ARFGEF2: variants seen among roughly 807,000 people sequenced by gnomAD.
ARFGEF2 encodes brefeldin A-inhibited guanine nucleotide-exchange protein 2.
In ARFGEF2, 74 loss-of-function variants were observed where a neutral mutation model predicts 219.9. That is an observed-to-expected ratio of 0.34 (90% confidence interval 0.28 to 0.41). The LOEUF is 0.41. ARFGEF2 is among the 10% of genes least tolerant of loss of function. The pLI, the probability that ARFGEF2 is intolerant of heterozygous loss-of-function variation, is 1.00. For synonymous variants in ARFGEF2, 733 were observed against 799.2 expected (o/e 0.92, Z 1.40); for missense variants, 1,743 against 2,218.3 (o/e 0.79, Z 4.30).
chr20:48,986,460 C>T (rs1373331839), intron 16 of ARFGEF2, among the ~76,000 whole-genome samples: 3 of 151,974 alleles, frequency 2.0e-5, no homozygotes, highest in African/African-American at 7.3e-5. Flanking sequence ...GAAATCCCGT[C>T]TCTTCCAAAA....
In ARFGEF2 at chr20:49,036,003, AAAC is replaced by A. The variant is rs547552436; in HGVS notation, c.*2805_*2807del. The A allele has an allele frequency of 1.6e-3, 643 of 396,028 alleles. 5 individuals are homozygous for A. Among genetic ancestry groups the A allele is most frequent in the African/African-American group, 0.011 (555 of 48,558 alleles). The allele number at this position is 396,028 out of a possible 1,614,324, so 24.5% of individuals were successfully genotyped here. On this transcript the variant is annotated 3_prime_UTR_variant, in exon 39 of 39. Transcript: ENST00000371917. ...ACTTTTGTACGAAATGAAAAAAAAA[AAAC>A]CTGTATTTTTTTTGTTGTTCTTTTG...
chr20:49,016,521 A>G (rs2091531233), intron 31 of ARFGEF2, 106 bp downstream of exon 31: 2 of 1,284,548 alleles, frequency 1.6e-6, no homozygotes, highest in Non-Finnish European at 2.2e-6. Context: ...AGTACAATAT[A>G]TAATTTAGTT....
intron 3 of ARFGEF2, among the ~76,000 whole-genome samples, chr20:48,950,807 A>AT (rs2091063070): frequency 2.9e-4 from 13 of 44,798 alleles, no homozygotes; most frequent in Non-Finnish European, 4.5e-4. Context: ...AAAAAAAAAA[A>AT]AAAAATATAT....
intron 32 of ARFGEF2, 25 bp downstream of exon 32, chr20:49,017,412 G>A (rs755375369): frequency 1.7e-5 from 27 of 1,613,726 alleles, no homozygotes; most frequent in East Asian, 6.7e-5. Context: ...AGTTGTTCCC[G>A]TTTATCTCTG....
intron 20 of ARFGEF2, 22 bp from the exon 21 acceptor site, chr20:48,991,018 C>T: frequency 6.2e-7 from 1 of 1,611,476 alleles, no homozygotes; most frequent in East Asian, 2.2e-5. Context: ...TCACAGTGTT[C>T]TCTCTTGGGT....
rs761763766 is a variant in ARFGEF2, at chr20:48,988,489, A to G, written c.2362-2A>G. The G allele has an allele frequency of 2.5e-6, 4 of 1,611,476 alleles. No homozygotes were observed. The African/African-American group carries it at 4.0e-5, about 16-fold the overall frequency. ...ATGGTTTTTAATTTTTTTTAATTACAGGTAAAAAATAAAATGACGAAAGAG... is the reference window on the plus strand; with the variant it reads ...ATGGTTTTTAATTTTTTTTAATTACGGGTAAAAAATAAAATGACGAAAGAG... On this transcript the variant is annotated splice_acceptor_variant, in intron 17 of 38. Coordinates refer to ENST00000371917, the MANE Select transcript of ARFGEF2 (RefSeq NM_006420.3). LOFTEE classifies it high-confidence loss of function.
intron 13 of ARFGEF2, 152 bp from the exon 14 acceptor site, chr20:48,975,864 G>C: frequency 1.5e-6 from 1 of 683,784 alleles, no homozygotes. Flanking sequence ...TAAAGTATCT[G>C]AATGATACTA....
intron 29 of ARFGEF2, 25 bp from the exon 30 acceptor site, chr20:49,013,806 C>G: frequency 6.2e-7 from 1 of 1,614,120 alleles, no homozygotes; most frequent in Middle Eastern, 1.6e-4. Flanking sequence ...ATTCTCTCTT[C>G]TGTGCCTGAC....
At chr20:48,954,373 G>A (rs1021865724) in intron 6 of ARFGEF2, among the ~76,000 whole-genome samples, 11 of 152,180 alleles carry the variant, frequency 7.2e-5, no homozygotes, top group Admixed American at 5.9e-4. Flanking sequence ...ATGAAATACT[G>A]GATTGAGTTG....
chr20:48,941,049 A>G (rs546860678), intron 1 of ARFGEF2, 150 bp from the exon 2 acceptor site: 1 of 723,524 alleles, frequency 1.4e-6, no homozygotes, highest in African/African-American at 1.8e-5. Context: ...TATTGCTGTT[A>G]CAATTATTTC....
chr20:49,018,890 G>T lies in ARFGEF2; in HGVS notation c.4516G>T (p.Asp1506Tyr). Residue 1506 changes from aspartate (D) to tyrosine (Y), a missense_variant, in exon 34 of 39, where the codon GAT becomes TAT. Physicochemically the swap from Asp to Tyr is radical, Grantham distance 160. Coordinates refer to ENST00000371917, the MANE Select transcript of ARFGEF2 (RefSeq NM_006420.3). ...CCCTCTGGTTTACATTTAGGATGTG[G>T]ATCTGGACCGCCAGTCTTTAAGCAG... ...EDSSEKHLDV[D>Y]LDRQSLSSID... 6.2e-7 allele frequency: 1 copy of T among 1,613,546 alleles called. No individual in the cohort carries two copies. The highest frequency in any genetic ancestry group is 1.1e-5 in the South Asian group (1 of 91,054).
chr20:48,991,260 T>C (rs2091356006), intron 21 of ARFGEF2, 62 bp downstream of exon 21: 1 of 1,602,086 alleles, frequency 6.2e-7, no homozygotes, highest in Non-Finnish European at 8.5e-7. Context: ...CTTTTATTCA[T>C]TGTTGATCTC....
chr20:48,999,099 G>A (rs568509373), intron 25 of ARFGEF2: 13 of 325,578 alleles, frequency 4.0e-5, no homozygotes, highest in Middle Eastern at 1.1e-3. Flanking sequence ...TTAGCTGGGC[G>A]TGGTGGTGTG....
Position 49,004,626 on chromosome 20 carries a change from C to T in ARFGEF2, c.3433-444C>T, listed in dbSNP as rs187866152. 4.5e-3 allele frequency among the ~76,000 whole-genome samples: 685 copies of T among 151,828 alleles called. 1 individual carries two copies. The highest frequency in any genetic ancestry group is 0.01 in the Middle Eastern group (3 of 292). On this transcript the variant is annotated intron_variant, in intron 25 of 38. Transcript: ENST00000371917. ...GACCAGCTTGGCCAACATGGTGAAA[C>T]CCCATCTCTACTAAAAATACAAAAA...
chr20:48,992,373 G>C (rs1211827441), intron 21 of ARFGEF2, among the ~76,000 whole-genome samples: 1 of 152,096 alleles, frequency 6.6e-6, no homozygotes, highest in Non-Finnish European at 1.5e-5. Context: ...AACTGTGAAA[G>C]AATAGAGATG....
intron 6 of ARFGEF2, among the ~76,000 whole-genome samples, chr20:48,959,461 C>CTCCT (rs2091127669): frequency 1.4e-4 from 1 of 7,234 alleles, no homozygotes; most frequent in Non-Finnish European, 2.9e-4. Context: ...CCCTCCCTCC[C>CTCCT]TCCCTTCTTC....
chr20:48,959,294 CAT>C (rs889220938), intron 6 of ARFGEF2, among the ~76,000 whole-genome samples: 27 of 151,778 alleles, frequency 1.8e-4, no homozygotes, highest in African/African-American at 6.1e-4. Flanking sequence ...TTATTAATAT[CAT>C]AGCATCAGAG....
intron 25 of ARFGEF2, among the ~76,000 whole-genome samples, chr20:49,004,851 A>T (rs1353348669): frequency 1.6e-4 from 25 of 152,230 alleles, no homozygotes; most frequent in Admixed American, 1.6e-3. Flanking sequence ...AGCACATTTT[A>T]AATGCATATT....
In ARFGEF2 at chr20:48,954,861, G is replaced by A. The variant is rs138742384; in HGVS notation, c.838+1071G>A. ...CTCAGAATCCCCCGGCCCACCCTCTGTGTCTGTTATCATCTTTGCCTTTGT... is the reference window on the plus strand; with the variant it reads ...CTCAGAATCCCCCGGCCCACCCTCTATGTCTGTTATCATCTTTGCCTTTGT... On this transcript the variant is annotated intron_variant, in intron 6 of 38. Transcript: ENST00000371917. 6.4e-4 allele frequency among the ~76,000 whole-genome samples: 97 copies of A among 152,246 alleles called. No homozygotes were observed. The East Asian group carries it at 0.017, about 27-fold the overall frequency.
Sources: gnomAD v4.1 joint callset for allele counts (sites outside exome capture counted in the v4.1 genomes callset) on GRCh38, gnomAD v4.1.1 for gene constraint, MANE v1.5 for transcripts, NCBI Gene and HGNC (gene_info 2026-07-23, HGNC 2026-07-21) for gene names.